The following TNN variants were observed in gnomAD, a reference collection of about 807,000 sequenced individuals.
TNN encodes the protein tenascin N.
Under a neutral mutation model 134.4 loss-of-function variants are expected in TNN, and 122 were observed. The observed-to-expected ratio is 0.91, with a 90% CI of 0.78 to 1.06. The LOEUF (loss-of-function observed/expected upper bound fraction) is 1.06. TNN is among the 50% of genes least tolerant of loss of function. The probability of loss-of-function intolerance (pLI) is 0.00; values close to 1 mark genes in which losing one functional copy is unlikely to be tolerated. For missense variants in TNN, 1,739 were observed against 1,699.4 expected (o/e 1.02, Z -0.41); for synonymous variants, 710 against 670.3 (o/e 1.06, Z -0.91).
Position 175,122,184 on chromosome 1 carries a change from A to G in TNN, c.2651-1216A>G, listed in dbSNP as rs552261491. Among the ~76,000 whole-genome samples, 5 of 150,892 alleles carry G rather than the reference A, an allele frequency of 3.3e-5. No homozygotes were observed. The East Asian group carries it at 5.8e-4, about 18-fold the overall frequency. ...GGTAGGTGAATTGCTTGAGCTCAGGAGTTCAAGACCAGCCTGGTGAAATCC... is the reference window on the plus strand; with the variant it reads ...GGTAGGTGAATTGCTTGAGCTCAGGGGTTCAAGACCAGCCTGGTGAAATCC... On this transcript the variant is annotated intron_variant, in intron 11 of 18. Coordinates refer to ENST00000239462, the MANE Select transcript of TNN (RefSeq NM_022093.2).
intron 13 of TNN, 33 bp from the exon 14 acceptor site, chr1:175,127,999 C>G: frequency 6.2e-7 from 1 of 1,613,734 alleles, no homozygotes; most frequent in Non-Finnish European, 8.5e-7. Context: ...TAAACTGAGT[C>G]ACTGGCTGTC....
Position 175,126,964 on chromosome 1 carries a change from C to A in TNN, c.2924C>A (p.Pro975His), listed in dbSNP as rs1218269980. The A allele has an allele frequency of 3.1e-6, 5 of 1,612,260 alleles. No homozygotes were observed. Among genetic ancestry groups the A allele is most frequent in the Non-Finnish European group, 4.2e-6 (5 of 1,179,494 alleles). ...ADTKAQTELD[P>H]PRNLRPSAVT... ...GACTTTCTACGTACAGAACTCGACC[C>A]TCCCAGAAACCTTCGTCCATCTGCT... Residue 975 changes from proline to histidine, a missense_variant, in exon 13 of 19, where the codon CCT becomes CAT. By Grantham distance (77) the Pro-to-His change is moderately conservative. Coordinates refer to ENST00000239462, the MANE Select transcript of TNN (RefSeq NM_022093.2).
chr1:175,101,998 G>A (rs1040027520), intron 9 of TNN, among the ~76,000 whole-genome samples: 3 of 144,298 alleles, frequency 2.1e-5, no homozygotes, highest in South Asian at 2.3e-4. Flanking sequence ...ACAGAGTGTC[G>A]ATTGGTGCAC....
intron 17 of TNN, among the ~76,000 whole-genome samples, chr1:175,140,748 C>T (rs1012466): frequency 0.11 from 16,232 of 152,144 alleles, 935 homozygotes; most frequent in East Asian, 0.2. Flanking sequence ...ATTTAGGCAG[C>T]GATCTAGTCT....
At chr1:175,111,892 G>T (rs1457510389) in intron 9 of TNN, among the ~76,000 whole-genome samples, 1 of 151,918 alleles carries the variant, frequency 6.6e-6, no homozygotes, top group African/African-American at 2.4e-5. Flanking sequence ...GTGTCTTGGT[G>T]GAGCTTGTTA....
Position 175,079,692 on chromosome 1 carries a change from C to A in TNN, c.769C>A (p.Leu257Met). The A allele has an allele frequency of 6.3e-7, 1 of 1,598,460 alleles. No individual in the cohort carries two copies. The highest frequency in any genetic ancestry group is 8.5e-7 in the Non-Finnish European group (1 of 1,170,732). The part of the protein sequence containing the change: ...ECYCEEGFTG[L>M]DCAQVVTPQG... ...CTACTGCGAGGAGGGCTTCACAGGC[C>A]TGGACTGTGCCCAGGGTGAGAGCGG... Residue 257 changes from leucine (L) to methionine (M), a missense_variant, in exon 3 of 19, where the codon CTG becomes ATG. Physicochemically the swap from Leu to Met is conservative, Grantham distance 15. Coordinates refer to ENST00000239462, the MANE Select transcript of TNN (RefSeq NM_022093.2).
intron 9 of TNN, among the ~76,000 whole-genome samples, chr1:175,115,437 G>A (rs1364883237): frequency 6.6e-6 from 1 of 152,172 alleles, no homozygotes; most frequent in African/African-American, 2.4e-5. Context: ...GATTCTCCAC[G>A]AAAGAGCGTG....
At chr1:175,102,913 G>A (rs1427847443) in intron 9 of TNN, among the ~76,000 whole-genome samples, 5 of 146,160 alleles carry the variant, frequency 3.4e-5, no homozygotes, top group South Asian at 2.3e-4. Context: ...CAATTTGGCC[G>A]ATGACCACTC....
chr1:175,079,813 C>A, intron 3 of TNN, 106 bp downstream of exon 3: 2 of 1,402,348 alleles, frequency 1.4e-6, no homozygotes, highest in Non-Finnish European at 1.9e-6. Context: ...CTTTAGCCTA[C>A]GCCAGATTGC....
At position 175,128,689 on chromosome 1, in the gene TNN, T is replaced by C. The variant is rs1310249965; in HGVS notation, c.3273T>C (p.Asp1091=). The change falls in exon 15 of 19, where the codon GAT becomes GAC. Residue 1091 remains aspartate, a synonymous_variant. Coordinates refer to ENST00000239462, the MANE Select transcript of TNN (RefSeq NM_022093.2). Reference sequence around the variant, plus strand: ...TGTACACCATCTACCTGCATGGCGATGCCAGCCGGCCCCTGCAGGTGTACT... The same window carrying C: ...TGTACACCATCTACCTGCATGGCGACGCCAGCCGGCCCCTGCAGGTGTACT... ...SGLYTIYLHG[D]ASRPLQVYCD... The C allele has an allele frequency of 2.5e-6, 4 of 1,613,948 alleles. No individual in the cohort carries two copies. The highest frequency in any genetic ancestry group is 3.4e-6 in the Non-Finnish European group (4 of 1,179,986).
At chr1:175,081,469 AAAGATCTAGGAAGATACAGATG>A (rs1323334649) in intron 4 of TNN, among the ~76,000 whole-genome samples, 1 of 152,222 alleles carries the variant, frequency 6.6e-6, no homozygotes, top group Non-Finnish European at 1.5e-5. Flanking sequence ...ACTTCTAGGG[AAAGATCTAGGAAGATACAGATG>A]GATGGAACTT....
At chr1:175,116,099 T>C (rs988650082) in intron 9 of TNN, among the ~76,000 whole-genome samples, 1 of 152,174 alleles carries the variant, frequency 6.6e-6, no homozygotes. Context: ...GTGCAGAAGA[T>C]GAGTGTCAGG....
chr1:175,146,909 G>GTT lies in TNN; in HGVS notation c.3760-22_3760-21insTT, dbSNP rs755581722. 4.6e-6 allele frequency: 5 copies of GTT among 1,094,732 alleles called. No homozygotes were observed. The South Asian group carries it at 4.7e-5, about 10-fold the overall frequency. 67.8% of individuals were successfully genotyped at this position (1,094,732 alleles called of 1,614,324 possible). The stretch of plus-strand genomic sequence containing the variant: ...CTCCTAAGAGCCTCTTCTTGATGTG[G>GTT]CTTTTTTTTTTTTTTTGGTAGGGGG... On this transcript the variant is annotated intron_variant, in intron 18 of 18. Transcript: ENST00000239462.
chr1:175,070,332 A>G (rs1249117304), intron 1 of TNN, among the ~76,000 whole-genome samples: 2 of 152,228 alleles, frequency 1.3e-5, no homozygotes, highest in African/African-American at 4.8e-5. Flanking sequence ...ACAAAACAAA[A>G]TGAGCCTGTG....
At chr1:175,080,486 T>C in intron 4 of TNN, 60 bp downstream of exon 4, 1 of 1,597,724 alleles carries the variant, frequency 6.3e-7, no homozygotes, top group Non-Finnish European at 8.5e-7. Flanking sequence ...AAATGGTTTC[T>C]TTCATTAAAC....
chr1:175,076,811 C>T (rs1674051870), intron 1 of TNN, among the ~76,000 whole-genome samples: 1 of 152,164 alleles, frequency 6.6e-6, no homozygotes, highest in Non-Finnish European at 1.5e-5. Flanking sequence ...AATCCTGCCA[C>T]TCTGAGCTGG....
In TNN at chr1:175,079,425, C is replaced by T. The variant is rs768377373; in HGVS notation, c.502C>T (p.Arg168Trp). 53 of 1,586,418 alleles carry T rather than the reference C, an allele frequency of 3.3e-5. No individual in the cohort carries two copies. The African/African-American group carries it at 4.2e-4, about 13-fold the overall frequency. ...GGGCAGGGAGGGCCCCGCCTGCGAGCGGCTGGCCTGCCCCGGGGCGTGCAG... is the reference window on the plus strand; with the variant it reads ...GGGCAGGGAGGGCCCCGCCTGCGAGTGGCTGGCCTGCCCCGGGGCGTGCAG... ...EEGREGPACE[R>W]LACPGACSGH... The change falls in exon 3 of 19, where the codon CGG (arginine) becomes TGG (tryptophan). Residue 168 changes from arginine to tryptophan, a missense_variant. Physicochemically the swap from Arg to Trp is moderately radical, Grantham distance 101. Transcript: ENST00000239462.
chr1:175,109,324 A>G (rs1044846319), intron 9 of TNN, among the ~76,000 whole-genome samples: 2 of 149,726 alleles, frequency 1.3e-5, no homozygotes, highest in African/African-American at 2.5e-5. Flanking sequence ...TCCTGACCTC[A>G]TGATGCACCC....
At chr1:175,079,185 C>T (rs1014332602) in intron 2 of TNN, 148 bp from the exon 3 acceptor site, 3 of 1,043,190 alleles carry the variant, frequency 2.9e-6, no homozygotes, top group African/African-American at 1.7e-5. Context: ...CACCATCCTC[C>T]AAAAAATAGC....
Sources: allele counts gnomAD v4.1 joint callset (sites outside exome capture counted in the v4.1 genomes callset), GRCh38; gene constraint gnomAD v4.1.1; transcripts MANE v1.5; gene names NCBI Gene and HGNC (gene_info 2026-07-23, HGNC 2026-07-21).